Variants in GFRA1 observed in about 807,000 individuals in gnomAD.
GFRA1 encodes the protein GDNF family receptor alpha 1.
In GFRA1, 16 loss-of-function variants were observed where a neutral mutation model predicts 51.6. The ratio of observed to expected loss-of-function variants is 0.31; its 90% CI spans 0.21 to 0.47. The LOEUF is 0.47. GFRA1 is among the 20% of genes least tolerant of loss of function. GFRA1 has a pLI of 1.00. For synonymous variants in GFRA1, 270 were observed against 241.3 expected (o/e 1.12, Z -1.10); for missense variants, 530 against 594.3 (o/e 0.89, Z 1.13).
At chr10:116,108,645 C>A (rs1957088903) in intron 6 of GFRA1, among the ~76,000 whole-genome samples, 2 of 152,138 alleles carry the variant, frequency 1.3e-5, no homozygotes, top group African/African-American at 4.8e-5. Context: ...CGAGTGATCC[C>A]AAGGCTTATT....
rs541417834 is a variant in GFRA1 at position 116,070,486 on chromosome 10, G to T, written c.1198-4860C>A. Among the ~76,000 whole-genome samples, 523 of 152,254 alleles carry T rather than the reference G, an allele frequency of 3.4e-3. 3 individuals are homozygous for T. The highest frequency in any genetic ancestry group is 5.2e-3 in the Non-Finnish European group (357 of 68,024). On this transcript the variant is annotated intron_variant, in intron 9 of 10. Transcript: ENST00000355422. The stretch of plus-strand genomic sequence containing the variant: ...AAATCTACATATTTTATGTTCCGTT[G>T]TAAGACAAGCCATGGGAAGAAGAGT...
chr10:116,203,741 T>G (rs1964516984), intron 5 of GFRA1, among the ~76,000 whole-genome samples: 2 of 152,064 alleles, frequency 1.3e-5, no homozygotes, highest in Admixed American at 1.3e-4. Context: ...AGCAACAATC[T>G]CAACTGGGAA....
At chr10:116,124,198 C>T (rs748148949) in intron 6 of GFRA1, among the ~76,000 whole-genome samples, 15 of 151,890 alleles carry the variant, frequency 9.9e-5, no homozygotes, top group Non-Finnish European at 2.1e-4. Context: ...AGCCACCGCG[C>T]CAGGCCTGTG....
At chr10:116,170,390 G>C (rs4626996) in intron 5 of GFRA1, among the ~76,000 whole-genome samples, 1,638 of 152,290 alleles carry the variant, frequency 0.011, 36 homozygotes, top group African/African-American at 0.038. Flanking sequence ...TCTCTATTGA[G>C]ATAATTCATG....
At chr10:116,207,863 C>G (rs1438710887) in intron 5 of GFRA1, among the ~76,000 whole-genome samples, 1 of 152,128 alleles carries the variant, frequency 6.6e-6, no homozygotes, top group Non-Finnish European at 1.5e-5. Flanking sequence ...CTCGTTCTCA[C>G]TGCCCGAGAC....
intron 5 of GFRA1, among the ~76,000 whole-genome samples, chr10:116,164,758 A>C (rs543057606): frequency 6.6e-6 from 1 of 152,290 alleles, no homozygotes; most frequent in South Asian, 2.1e-4. Context: ...CCTTCACTTT[A>C]GCAGCAATCC....
intron 4 of GFRA1, among the ~76,000 whole-genome samples, chr10:116,225,288 G>A (rs760045353): frequency 2.0e-5 from 3 of 152,008 alleles, no homozygotes; most frequent in Admixed American, 6.6e-5. Flanking sequence ...TGTAATCCCA[G>A]CACTTTGGGA....
At chr10:116,198,654 A>G (rs1210227304) in intron 5 of GFRA1, among the ~76,000 whole-genome samples, 1 of 151,980 alleles carries the variant, frequency 6.6e-6, no homozygotes, top group Admixed American at 6.5e-5. Context: ...CCAAATGTAA[A>G]CTGGTTTCCT....
Position 116,271,022 on chromosome 10 carries a change from T to A in GFRA1, c.134A>T (p.Lys45Met). The change falls in exon 3 of 11, where the codon AAG (lysine) becomes ATG (methionine). Residue 45 changes from lysine to methionine, a missense_variant. By Grantham distance (95) the Lys-to-Met change is moderately conservative (BLOSUM62 -1). Transcript: ENST00000355422. The part of the protein sequence containing the change: ...QCLKEQSCST[K>M]YRTLRQCVAG... ...CACGCACTGCCTTAGCGTGCGGTAC[T>A]TGGTGCTGCAGCTCTGCTCCTTCAG... 2 of 1,614,192 alleles carry A rather than the reference T, an allele frequency of 1.2e-6. No individual in the cohort carries two copies. Among genetic ancestry groups the A allele is most frequent in the Non-Finnish European group, 1.7e-6 (2 of 1,180,000 alleles).
intron 4 of GFRA1, among the ~76,000 whole-genome samples, chr10:116,242,754 T>A (rs1341131679): frequency 6.6e-6 from 1 of 152,222 alleles, no homozygotes; most frequent in Admixed American, 6.5e-5. Context: ...AGTGCCAGGA[T>A]TACAGGCATA....
rs1363553252 is a variant in GFRA1 at position 116,060,862 on chromosome 10, C to G, written c.*3536G>C. 2 of 152,196 alleles carry G rather than the reference C, an allele frequency of 1.3e-5. No individual in the cohort carries two copies. Among genetic ancestry groups the G allele is most frequent in the Non-Finnish European group, 2.9e-5 (2 of 68,042 alleles). 9.4% of individuals were successfully genotyped at this position (152,196 alleles called of 1,614,324 possible). A position where few individuals can be genotyped will look rare whatever the true frequency, so the allele number is the denominator to read the frequency against. On this transcript the variant is annotated 3_prime_UTR_variant, in exon 11 of 11. Coordinates refer to ENST00000355422, the MANE Select transcript of GFRA1 (RefSeq NM_005264.8). The stretch of plus-strand genomic sequence containing the variant: ...ACTTATTTTCCAAAAGACAGCTCCT[C>G]TGAGGCCACAATTTTGTAAATAATA...
At chr10:116,178,671 G>C (rs958751422) in intron 5 of GFRA1, among the ~76,000 whole-genome samples, 3 of 152,212 alleles carry the variant, frequency 2.0e-5, no homozygotes, top group African/African-American at 7.2e-5. Flanking sequence ...GTCACCCACG[G>C]TGTGTGTCTT....
intron 5 of GFRA1, among the ~76,000 whole-genome samples, chr10:116,146,289 CAG>C (rs1205820065): frequency 6.6e-6 from 1 of 152,012 alleles, no homozygotes; most frequent in African/African-American, 2.4e-5. Flanking sequence ...GAAATTTAAA[CAG>C]AAAAAAATAT....
chr10:116,117,257 G>A (rs899747968), intron 6 of GFRA1, among the ~76,000 whole-genome samples: 7 of 151,972 alleles, frequency 4.6e-5, no homozygotes, highest in African/African-American at 1.7e-4. Flanking sequence ...TACTTCCTAT[G>A]CCTTCCTCAA....
At chr10:116,066,186 G>A (rs1332125812) in intron 9 of GFRA1, among the ~76,000 whole-genome samples, 1 of 152,124 alleles carries the variant, frequency 6.6e-6, no homozygotes, top group African/African-American at 2.4e-5. Flanking sequence ...AGCACCTACT[G>A]TTTACCAATG....
chr10:116,195,939 A>G (rs1963705532), intron 5 of GFRA1, among the ~76,000 whole-genome samples: 1 of 152,166 alleles, frequency 6.6e-6, no homozygotes. Context: ...AACAAATCCT[A>G]TCTCACAAGG....
intron 6 of GFRA1, among the ~76,000 whole-genome samples, chr10:116,102,525 T>G (rs866087709): frequency 6.6e-6 from 1 of 152,160 alleles, no homozygotes; most frequent in Admixed American, 6.6e-5. Flanking sequence ...TGAGACTGGA[T>G]AATCTATAAA....
chr10:116,077,128 C>T (rs1244885827), intron 9 of GFRA1, among the ~76,000 whole-genome samples: 4 of 152,106 alleles, frequency 2.6e-5, no homozygotes, highest in African/African-American at 9.7e-5. Flanking sequence ...TGAAAATCTT[C>T]TCTGGAGAGA....
chr10:116,218,677 G>A (rs1177386857), intron 4 of GFRA1, among the ~76,000 whole-genome samples: 2 of 152,124 alleles, frequency 1.3e-5, no homozygotes, highest in Non-Finnish European at 2.9e-5. Context: ...CTTCCTCCAG[G>A]CACAATAAGG....
Sources: gnomAD v4.1 joint callset for allele counts (sites outside exome capture counted in the v4.1 genomes callset) on GRCh38, gnomAD v4.1.1 for gene constraint, MANE v1.5 for transcripts, NCBI Gene and HGNC (gene_info 2026-07-23, HGNC 2026-07-21) for gene names.